USP28: variants seen among roughly 807,000 people sequenced by gnomAD.
The protein encoded by USP28 is ubiquitin carboxyl-terminal hydrolase 28.
A neutral mutation model predicts 145.0 loss-of-function variants in USP28; 113 were observed. The ratio of observed to expected loss-of-function variants is 0.78; its 90% CI spans 0.67 to 0.91. The LOEUF (loss-of-function observed/expected upper bound fraction) is 0.91. Among genes scored for constraint, USP28 ranks in the 40% least tolerant of loss-of-function variants. USP28 has a pLI of 0.00. For missense variants in USP28, 1,201 were observed against 1,289.6 expected (o/e 0.93, Z 1.05); for synonymous variants, 447 against 450.9 (o/e 0.99, Z 0.11).
At chr11:113,851,601 G>A (rs907604265) in intron 3 of USP28, among the ~76,000 whole-genome samples, 2 of 152,090 alleles carry the variant, frequency 1.3e-5, no homozygotes, top group African/African-American at 4.8e-5. Flanking sequence ...TTCAAGACCA[G>A]CTGGCCAACA....
At position 113,803,709 on chromosome 11, in the gene USP28, A is replaced by C. The variant is rs1204074992; in HGVS notation, c.2738+89T>G. The C allele has an allele frequency of 2.8e-6, 3 of 1,070,274 alleles. No homozygotes were observed. In the African/African-American group the frequency reaches 4.7e-5, roughly 17 times the overall value. The allele number at this position is 1,070,274 out of a possible 1,614,324, so 66.3% of individuals were successfully genotyped here. On this transcript the variant is annotated intron_variant, in intron 22 of 24. Transcript: ENST00000003302. ...GTGTATGTGACAAGGGAGGTTATGCATGGCTGTGACTCTTAGTATTCCCAG... is the reference window on the plus strand; with the variant it reads ...GTGTATGTGACAAGGGAGGTTATGCCTGGCTGTGACTCTTAGTATTCCCAG...
At chr11:113,870,763 T>A (rs1042269333) in intron 1 of USP28, among the ~76,000 whole-genome samples, 1 of 152,258 alleles carries the variant, frequency 6.6e-6, no homozygotes, top group African/African-American at 2.4e-5. Flanking sequence ...TCCTGTCAGC[T>A]AAGAGTTAGT....
At chr11:113,861,517 CT>C (rs1947694780) in intron 1 of USP28, among the ~76,000 whole-genome samples, 1 of 152,026 alleles carries the variant, frequency 6.6e-6, no homozygotes, top group South Asian at 2.1e-4. Context: ...AAAACTGGGA[CT>C]TAAAAACAAG....
At chr11:113,811,403 A>C (rs1940960120) in intron 16 of USP28, among the ~76,000 whole-genome samples, 1 of 152,154 alleles carries the variant, frequency 6.6e-6, no homozygotes, top group Non-Finnish European at 1.5e-5. Context: ...ACACCTGTAA[A>C]ATTTAGTTAT....
chr11:113,843,017 G>A (rs1441357235), intron 3 of USP28, among the ~76,000 whole-genome samples: 2 of 152,246 alleles, frequency 1.3e-5, no homozygotes, highest in East Asian at 3.9e-4. Flanking sequence ...GATCAGTTGA[G>A]GTCAGGAGTT....
intron 16 of USP28, among the ~76,000 whole-genome samples, chr11:113,810,960 C>T (rs561155796): frequency 2.0e-5 from 3 of 152,196 alleles, no homozygotes; most frequent in Non-Finnish European, 4.4e-5. Flanking sequence ...CAGGCGTGAA[C>T]CACCATGCCG....
exon 16 of USP28, chr11:113,812,494 C>T (rs780204329): frequency 6.2e-6 from 10 of 1,613,768 alleles, no homozygotes; most frequent in South Asian, 5.5e-5. Context: ...TGCATGCAAG[C>T]GATAAGGCAC....
intron 3 of USP28, among the ~76,000 whole-genome samples, chr11:113,848,234 G>T (rs1005354838): frequency 5.3e-5 from 8 of 152,148 alleles, no homozygotes; most frequent in Non-Finnish European, 1.0e-4. Flanking sequence ...AAAGGTGGGT[G>T]GACCAAAGGG....
At chr11:113,812,310 C>T (rs1941115778) in exon 16 of USP28, 1 of 1,614,088 alleles carries the variant, frequency 6.2e-7, no homozygotes. Flanking sequence ...CATTAATGTA[C>T]ATCAGACAGT....
At chr11:113,829,274 C>T (rs766589781) in exon 10 of USP28, 23 of 1,614,140 alleles carry the variant, frequency 1.4e-5, no homozygotes, top group East Asian at 2.2e-5. Context: ...TCCAAACACT[C>T]GTCTAAGTTG....
At chr11:113,830,891 A>C (rs1323712410) in exon 9 of USP28, 1 of 1,614,112 alleles carries the variant, frequency 6.2e-7, no homozygotes, top group Non-Finnish European at 8.5e-7. Flanking sequence ...TCAGTCAGGA[A>C]AGTACCATAG....
In USP28 at chr11:113,854,355, A is replaced by G. The variant is rs746233766; in HGVS notation, c.58-20T>C. On this transcript the variant is annotated intron_variant, in intron 1 of 24. Coordinates refer to ENST00000003302, the Ensembl canonical transcript of USP28. ...GCAGCTCTATATTTGCAAAACAAAA[A>G]AACCACAAACATGTCAGTCAGAAAG... 1.5e-5 allele frequency: 24 copies of G among 1,604,786 alleles called. No individual in the cohort carries two copies. Among genetic ancestry groups the G allele is most frequent in the Non-Finnish European group, 2.0e-5 (23 of 1,174,866 alleles).
exon 22 of USP28, chr11:113,803,838 C>A: frequency 6.2e-7 from 1 of 1,614,030 alleles, no homozygotes; most frequent in Non-Finnish European, 8.5e-7. Context: ...AGGAGATACA[C>A]AGACACTTTT....
At chr11:113,808,952 T>C (rs1162885691) in intron 17 of USP28, 111 bp downstream of exon 17, 4 of 1,028,634 alleles carry the variant, frequency 3.9e-6, no homozygotes, top group Admixed American at 4.7e-5. Flanking sequence ...GTATATGAAA[T>C]ATACTGTGAA....
chr11:113,814,458 CA>C (rs1317640123), intron 14 of USP28, among the ~76,000 whole-genome samples: 1 of 152,158 alleles, frequency 6.6e-6, no homozygotes, highest in African/African-American at 2.4e-5. Context: ...TCCAATTTTA[CA>C]TTGTGCATAC....
chr11:113,829,093 G>C, intron 10 of USP28, 104 bp downstream of exon 10: 1 of 1,479,432 alleles, frequency 6.8e-7, no homozygotes, highest in African/African-American at 1.4e-5. Context: ...GTTCTGCTAA[G>C]TGTAAAGTTA....
At chr11:113,798,500 T>G (rs1443820699) in exon 25 of USP28, 1 of 152,542 alleles carries the variant, frequency 6.6e-6, no homozygotes, top group Non-Finnish European at 1.5e-5. Flanking sequence ...TGACAATTTT[T>G]AGGTATTAGA....
exon 25 of USP28, chr11:113,798,091 T>TG (rs1491190209): frequency 2.2e-4 from 20 of 90,092 alleles, no homozygotes; most frequent in Admixed American, 7.8e-4. Context: ...TTTTTTTTTT[T>TG]GTACAAACCC....
chr11:113,874,799 A>G, intron 1 of USP28: 1 of 1,107,874 alleles, frequency 9.0e-7, no homozygotes, highest in Non-Finnish European at 1.1e-6. Flanking sequence ...ATTGATTTCA[A>G]TCTTCTTAGA....
Sources: allele counts gnomAD v4.1 joint callset (sites outside exome capture counted in the v4.1 genomes callset), GRCh38; gene constraint gnomAD v4.1.1; transcripts MANE v1.5; gene names NCBI Gene and HGNC (gene_info 2026-07-23, HGNC 2026-07-21).